Variants in SLC26A6 observed in about 807,000 individuals in gnomAD.
The protein encoded by SLC26A6 is anion exchange transporter.
In SLC26A6, 67 loss-of-function variants were observed where a neutral mutation model predicts 87.1. That is an observed-to-expected ratio of 0.77 (90% CI 0.63 to 0.94). The LOEUF (loss-of-function observed/expected upper bound fraction) is 0.94. SLC26A6 is among the 40% of genes least tolerant of loss of function. The pLI is 0.00. For missense variants in SLC26A6, 902 were observed against 973.0 expected (o/e 0.93, Z 0.97); for synonymous variants, 414 against 405.9 (o/e 1.02, Z -0.24).
In SLC26A6 at chr3:48,625,988, A is replaced by G; in HGVS notation, c.2278T>C (p.Ter760ArgextTer?). The stretch of plus-strand genomic sequence containing the variant: ...GTCTTGGGCAGGATGTAGCATGTTC[A>G]GAGTCTGGTGACCTGAGCAGGCAGA... ...PDSPVSVTRL[*>R] Residue 760 changes from the stop codon to arginine, a stop_lost, in exon 21 of 21, where the codon TGA becomes CGA. Coordinates refer to ENST00000395550, the MANE Select transcript of SLC26A6 (RefSeq NM_022911.3). This position sits in a 1 kb window ranked among gnomAD's most constrained non-coding sequence, Gnocchi z 4.7. The G allele has an allele frequency of 6.2e-7, 1 of 1,613,848 alleles. No homozygotes were observed. The highest frequency in any genetic ancestry group is 1.1e-5 in the South Asian group (1 of 90,970).
intron 4 of SLC26A6, 191 bp downstream of exon 4, chr3:48,632,783 G>A: frequency 2.9e-6 from 2 of 689,380 alleles, no homozygotes; most frequent in Non-Finnish European, 5.1e-6. Flanking sequence ...GGGCTTTGAG[G>A]TCACCTGCCT....
intron 14 of SLC26A6, 78 bp downstream of exon 14, chr3:48,629,564 G>T: frequency 1.4e-6 from 2 of 1,454,258 alleles, no homozygotes; most frequent in Non-Finnish European, 9.3e-7. Flanking sequence ...CCCTGGCCAA[G>T]TGTGGAACGA....
rs1168841300 is a variant in SLC26A6 at position 48,626,705 on chromosome 3, C to CA, written c.2074-21dup. 1 of 1,613,938 alleles carries CA rather than the reference C, an allele frequency of 6.2e-7. No individual in the cohort carries two copies. The highest frequency in any genetic ancestry group is 8.5e-7 in the Non-Finnish European group (1 of 1,180,040). ...GAAAATCTGTAGCGGAAAAGGGGGC[C>CA]AGCCTCAGAGGGAGGCTCAGGGACT... On this transcript the variant is annotated intron_variant, in intron 18 of 20. Transcript: ENST00000395550.
At position 48,626,681 on chromosome 3, in the gene SLC26A6, A is replaced by G. The variant is rs1202231437; in HGVS notation, c.2078T>C (p.Phe693Ser). ...CACCTCAATCTCCCGGAAGTCATGG[A>G]AAATCTGTAGCGGAAAAGGGGGCCA... is the stretch of plus-strand genomic sequence containing the variant. ...TVCLKSLKNI[F>S]HDFREIEVEV... Residue 693 changes from phenylalanine (F) to serine (S), a missense_variant, in exon 19 of 21, where the codon TTC becomes TCC. Transcript: ENST00000395550. 17 of 1,613,966 alleles carry G rather than the reference A, an allele frequency of 1.1e-5. No homozygotes were observed. The highest frequency in any genetic ancestry group is 1.4e-5 in the Non-Finnish European group (17 of 1,180,034).
chr3:48,630,137 G>C lies in SLC26A6; in HGVS notation c.1347C>G (p.Ile449Met), dbSNP rs1464930816. Residue 449 changes from isoleucine (I) to methionine (M), a missense_variant, in exon 12 of 21, where the codon ATC becomes ATG. By Grantham distance (10) the Ile-to-Met change is conservative. This residue lies in a region of SLC26A6 where 800 missense variants were observed against 856.8 expected (regional missense o/e 0.93). Transcript: ENST00000395550. The part of the protein sequence containing the change: ...DLPKAVLAAI[I>M]IVNLKGMLRQ... ...TCAGCATGCCCTTCAGGTTCACAATGATGATGGCTGCCAGGACCGCCTGGG... is the reference window on the plus strand; with the variant it reads ...TCAGCATGCCCTTCAGGTTCACAATCATGATGGCTGCCAGGACCGCCTGGG... The C allele has an allele frequency of 6.2e-7, 1 of 1,609,050 alleles. No homozygotes were observed. Among genetic ancestry groups the C allele is most frequent in the Non-Finnish European group, 8.5e-7 (1 of 1,176,366 alleles).
At position 48,628,579 on chromosome 3, in the gene SLC26A6, T is replaced by G; in HGVS notation, c.1693-38A>C. The G allele has an allele frequency of 1.9e-6, 3 of 1,613,998 alleles. No homozygotes were observed. The highest frequency in any genetic ancestry group is 2.5e-6 in the Non-Finnish European group (3 of 1,179,986). ...ATCAGAGAAGGGTTGGTGAGCTCTCTGGGAGCTGGGGCCTGACACCCATCC... is the reference window on the plus strand; with the variant it reads ...ATCAGAGAAGGGTTGGTGAGCTCTCGGGGAGCTGGGGCCTGACACCCATCC... On this transcript the variant is annotated intron_variant, in intron 15 of 20. Transcript: ENST00000395550. This position sits in a 1 kb window ranked among gnomAD's most constrained non-coding sequence, Gnocchi z 4.4.
Position 48,630,529 on chromosome 3 carries a change from G to C in SLC26A6, c.1249-14C>G, listed in dbSNP as rs1378805137. 2 of 1,559,056 alleles carry C rather than the reference G, an allele frequency of 1.3e-6. No homozygotes were observed. ...GGCTCCAGCAACCTGTTCGGGGAGG[G>C]AGTGAGCAGGGGAGAGACCTCCTTC... On this transcript the variant is annotated splice_polypyrimidine_tract_variant and intron_variant, in intron 10 of 20. Coordinates refer to ENST00000395550, the MANE Select transcript of SLC26A6 (RefSeq NM_022911.3).
Position 48,631,968 on chromosome 3 carries a change from G to T in SLC26A6, c.662C>A (p.Ala221Asp). 1 of 1,613,558 alleles carries T rather than the reference G, an allele frequency of 6.2e-7. No individual in the cohort carries two copies. Among genetic ancestry groups the T allele is most frequent in the Non-Finnish European group, 8.5e-7 (1 of 1,180,032 alleles). ...SEPLVRGYTT[A>D]AAVQVFVSQL... ...TGAGACGAAGACCTGCACAGCTGCA[G>T]CTGTGGTATAGCCTCGGACAAGAGG... Residue 221 changes from alanine to aspartate, a missense_variant, in exon 6 of 21, where the codon GCT (alanine) becomes GAT (aspartate). Around this residue, in one of 3 missense-constraint regions of SLC26A6, gnomAD observed 800 missense variants for 856.8 expected, o/e 0.93. Coordinates refer to ENST00000395550, the MANE Select transcript of SLC26A6 (RefSeq NM_022911.3).
chr3:48,629,333 C>T (rs1426812076), intron 14 of SLC26A6, among the ~76,000 whole-genome samples: 1 of 152,214 alleles, frequency 6.6e-6, no homozygotes, highest in Non-Finnish European at 1.5e-5. Flanking sequence ...GCCTCCCTTC[C>T]AACCTGGCGC....
Position 48,629,949 on chromosome 3 carries a change from G to A in SLC26A6, c.1452C>T (p.Thr484=). 2 of 1,614,126 alleles carry A rather than the reference G, an allele frequency of 1.2e-6. No homozygotes were observed. Among genetic ancestry groups the A allele is most frequent in the Non-Finnish European group, 1.7e-6 (2 of 1,180,032 alleles). ...LLIWLVTFTA[T]ILLNLDLGLV... ...AGCCAAGGTCCAGGTTCAGCAAGAT[G>A]GTGGCCGTGAAGGTCACCAGCCAGA... The change falls in exon 13 of 21, where the codon ACC becomes ACT. Residue 484 remains threonine, a synonymous_variant. Transcript: ENST00000395550.
At chr3:48,632,136 A>G (rs769673945) in intron 5 of SLC26A6, 92 bp from the exon 6 acceptor site, 1 of 1,587,312 alleles carries the variant, frequency 6.3e-7, no homozygotes, top group Non-Finnish European at 8.6e-7. Flanking sequence ...GGGGATGAGT[A>G]GACGGCAAGA....
intron 7 of SLC26A6, 59 bp from the exon 8 acceptor site, chr3:48,631,365 T>C: frequency 6.8e-7 from 1 of 1,473,134 alleles, no homozygotes; most frequent in Non-Finnish European, 9.0e-7. Context: ...GGGGGACACA[T>C]AAACCACTGT....
chr3:48,630,265 G>T, intron 11 of SLC26A6, 108 bp from the exon 12 acceptor site: 10 of 1,373,888 alleles, frequency 7.3e-6, no homozygotes, highest in Non-Finnish European at 8.1e-6. Flanking sequence ...CAGTACCCCA[G>T]ACACAAACCC....
chr3:48,627,300 G>A (rs1415187188), intron 17 of SLC26A6: 74 of 518,134 alleles, frequency 1.4e-4, no homozygotes, highest in Non-Finnish European at 1.5e-4. Context: ...GCTGCACAGG[G>A]ACACGAGAAG....
Position 48,628,115 on chromosome 3 carries a change from GC to G in SLC26A6, c.1801-78del. 3 of 1,351,608 alleles carry G rather than the reference GC, an allele frequency of 2.2e-6. No homozygotes were observed. Among genetic ancestry groups the G allele is most frequent in the Non-Finnish European group, 2.0e-6 (2 of 988,944 alleles). 83.7% of individuals were successfully genotyped at this position (1,351,608 alleles called of 1,614,324 possible). ...AGCCATGTCACATAGGCCTGGTGAT[GC>G]CCCCTGGTGCTGGGCAGGTGGGTGG... On this transcript the variant is annotated intron_variant, in intron 16 of 20. Coordinates refer to ENST00000395550, the MANE Select transcript of SLC26A6 (RefSeq NM_022911.3). This position sits in a 1 kb window ranked among gnomAD's most constrained non-coding sequence, Gnocchi z 4.4.
At chr3:48,632,178 G>T in intron 5 of SLC26A6, 67 bp downstream of exon 5, 1 of 1,576,248 alleles carries the variant, frequency 6.3e-7, no homozygotes, top group South Asian at 1.2e-5. Context: ...ACTCAGGGGA[G>T]TACAGACAGG....
chr3:48,626,698 AG>A lies in SLC26A6; in HGVS notation c.2074-14del. ...AGTCATGGAAAATCTGTAGCGGAAA[AG>A]GGGGCCAGCCTCAGAGGGAGGCTCA... On this transcript the variant is annotated splice_polypyrimidine_tract_variant and intron_variant, in intron 18 of 20. Coordinates refer to ENST00000395550, the MANE Select transcript of SLC26A6 (RefSeq NM_022911.3). 1.9e-6 allele frequency: 3 copies of A among 1,613,816 alleles called. No homozygotes were observed. Among genetic ancestry groups the A allele is most frequent in the Non-Finnish European group, 1.7e-6 (2 of 1,180,014 alleles).
chr3:48,625,909 G>A lies in SLC26A6; in HGVS notation c.*77C>T, dbSNP rs2046606889. ...AGGGGACTCCTGGGTAGCACCTGGA[G>A]GCGGCCTAGGGGTGAGGGGCTTCTC... On this transcript the variant is annotated 3_prime_UTR_variant, in exon 21 of 21. Coordinates refer to ENST00000395550, the MANE Select transcript of SLC26A6 (RefSeq NM_022911.3). The surrounding 1 kb of genome is among the most constrained non-coding windows in gnomAD (Gnocchi z 4.7). The A allele has an allele frequency of 1.9e-6, 3 of 1,596,514 alleles. No individual in the cohort carries two copies. The highest frequency in any genetic ancestry group is 1.1e-5 in the South Asian group (1 of 89,856).
rs1194754002 is a variant in SLC26A6 at position 48,633,554 on chromosome 3, C to T, written c.105G>A (p.Leu35=). 9 of 1,613,520 alleles carry T rather than the reference C, an allele frequency of 5.6e-6. No individual in the cohort carries two copies. The highest frequency in any genetic ancestry group is 7.6e-6 in the Non-Finnish European group (9 of 1,180,004). The change falls in exon 2 of 21, where the codon CTG becomes CTA. Residue 35 remains leucine, a synonymous_variant. Coordinates refer to ENST00000395550, the MANE Select transcript of SLC26A6 (RefSeq NM_022911.3). ...GCTCCTCCAAATGCTCCTGGTTCAG[C>T]AGCGGCCGTTCCATGTGGTAGTCTC... ...RRRDYHMERP[L]LNQEHLEELG...
Sources: allele counts gnomAD v4.1 joint callset (sites outside exome capture counted in the v4.1 genomes callset), GRCh38; gene constraint gnomAD v4.1.1; regional missense constraint gnomAD v4.1.1; non-coding constraint Gnocchi (gnomAD v3.1); transcripts MANE v1.5; gene names NCBI Gene and HGNC (gene_info 2026-07-23, HGNC 2026-07-21).